Variants in RAD51B observed in about 807,000 individuals in gnomAD.
RAD51B encodes the protein RAD51 paralog B.
In RAD51B, 38 loss-of-function variants were observed where a neutral mutation model predicts 42.2. That is an observed-to-expected ratio of 0.90 (90% confidence interval 0.70 to 1.18). The LOEUF is 1.18. Ranked by LOEUF, RAD51B falls within the 50% of genes most tolerant of loss-of-function variation. RAD51B has a pLI of 0.00. For missense variants in RAD51B, 373 were observed against 400.7 expected, an observed-to-expected ratio of 0.93 and a Z score of 0.59; for synonymous variants, 154 against 145.2, an observed-to-expected ratio of 1.06 and a Z score of -0.43.
At chr14:68,263,047 C>T (rs972736472) in intron 7 of RAD51B, among the ~76,000 whole-genome samples, 1 of 152,082 alleles carries the variant, frequency 6.6e-6, no homozygotes, top group Non-Finnish European at 1.5e-5. Context: ...AAAAATAAAT[C>T]GTTTCCTCTC....
intron 7 of RAD51B, among the ~76,000 whole-genome samples, chr14:68,217,319 T>C (rs2079836528): frequency 6.6e-6 from 1 of 152,244 alleles, no homozygotes; most frequent in Non-Finnish European, 1.5e-5. Flanking sequence ...TGTTATCAGT[T>C]ATCTATAGAC....
intron 8 of RAD51B, among the ~76,000 whole-genome samples, chr14:68,314,897 C>A (rs12890124): frequency 0.54 from 82,184 of 152,060 alleles, 23,492 homozygotes; most frequent in South Asian, 0.65. Context: ...TTCTGTGAAA[C>A]GGCAGCTAGT....
chr14:68,022,304 G>A (rs1268168333), intron 7 of RAD51B, among the ~76,000 whole-genome samples: 2 of 152,082 alleles, frequency 1.3e-5, no homozygotes, highest in African/African-American at 2.4e-5. Flanking sequence ...TGGTATATAT[G>A]TACCACATTT....
chr14:68,499,599 A>C (rs1884780831), intron 10 of RAD51B, among the ~76,000 whole-genome samples: 1 of 152,192 alleles, frequency 6.6e-6, no homozygotes, highest in South Asian at 2.1e-4. Context: ...TTGCAGAGGT[A>C]ATTAAGGATG....
chr14:68,247,962 A>G (rs962569022), intron 7 of RAD51B, among the ~76,000 whole-genome samples: 10 of 152,298 alleles, frequency 6.6e-5, no homozygotes, highest in Non-Finnish European at 1.5e-4. Context: ...ATTGATCCTC[A>G]GGACAGTGTT....
intron 10 of RAD51B, among the ~76,000 whole-genome samples, chr14:68,588,873 G>A (rs890366104): frequency 6.6e-6 from 1 of 152,184 alleles, no homozygotes; most frequent in Non-Finnish European, 1.5e-5. Context: ...CAAGCCACGA[G>A]GGTCTGCAGG....
chr14:67,963,150 T>C (rs1288500849), intron 7 of RAD51B, among the ~76,000 whole-genome samples: 1 of 152,174 alleles, frequency 6.6e-6, no homozygotes, highest in Non-Finnish European at 1.5e-5. Context: ...TAACTGTGAA[T>C]ATAATCTCAT....
chr14:68,648,202 G>A (rs895204572), intron 10 of RAD51B, among the ~76,000 whole-genome samples: 1 of 141,912 alleles, frequency 7.0e-6, no homozygotes, highest in Non-Finnish European at 1.5e-5. Flanking sequence ...TGAGAAATTC[G>A]AACCCGCATG....
chr14:68,092,772 T>C, intron 7 of RAD51B, among the ~76,000 whole-genome samples: 1 of 152,194 alleles, frequency 6.6e-6, no homozygotes, highest in Non-Finnish European at 1.5e-5. Context: ...ATCCCTGTCT[T>C]GTGCCAGTTT....
At chr14:68,239,377 C>A (rs2080335068) in intron 7 of RAD51B, among the ~76,000 whole-genome samples, 1 of 152,198 alleles carries the variant, frequency 6.6e-6, no homozygotes, top group Non-Finnish European at 1.5e-5. Flanking sequence ...AGAACACTTA[C>A]AACCCTGCTT....
chr14:68,054,398 G>T (rs1259619705), intron 7 of RAD51B, among the ~76,000 whole-genome samples: 1 of 152,110 alleles, frequency 6.6e-6, no homozygotes, highest in East Asian at 1.9e-4. Flanking sequence ...ATTTGGGGAA[G>T]TAACACCACA....
intron 7 of RAD51B, among the ~76,000 whole-genome samples, chr14:68,288,046 C>G (rs2081446430): frequency 6.6e-6 from 1 of 152,190 alleles, no homozygotes; most frequent in African/African-American, 2.4e-5. Context: ...TACTGAGCAT[C>G]AGAAGACTCA....
intron 7 of RAD51B, among the ~76,000 whole-genome samples, chr14:68,157,336 T>C (rs543463766): frequency 1.2e-3 from 182 of 152,332 alleles, no homozygotes; most frequent in Non-Finnish European, 2.3e-3. Flanking sequence ...TTGCTTTGGA[T>C]TTAAACAGGT....
rs778136542 is a variant in RAD51B, at chr14:68,331,367, C to CAAAAAAAAAAAAAAAAAA, written c.853+39388_853+39405dup. On this transcript the variant is annotated intron_variant, in intron 8 of 10. Transcript: ENST00000471583. ...TGGGCTACAGAACGAGACTCTGTCT[C>CAAAAAAAAAAAAAAAAAA]AAAAAAAAAAAAAAAAAAGCAATGG... is the stretch of plus-strand genomic sequence containing the variant. 1.7e-3 allele frequency among the ~76,000 whole-genome samples: 56 copies of CAAAAAAAAAAAAAAAAAA among 32,922 alleles called. 7 individuals carry two copies. The highest frequency in any genetic ancestry group is 2.0e-3 in the Non-Finnish European group (26 of 13,170). The allele number at this position is 32,922 out of a possible 152,430, so 21.6% of individuals were successfully genotyped here. A position where few individuals can be genotyped will look rare whatever the true frequency, so the allele number is the denominator to read the frequency against.
At chr14:67,986,697 CAG>C (rs1434045657) in intron 7 of RAD51B, among the ~76,000 whole-genome samples, 1 of 152,292 alleles carries the variant, frequency 6.6e-6, no homozygotes, top group East Asian at 1.9e-4. Context: ...AGTTGTAAGA[CAG>C]TGACTCATCC....
intron 8 of RAD51B, among the ~76,000 whole-genome samples, chr14:68,365,273 G>A (rs1259169819): frequency 6.6e-6 from 1 of 152,184 alleles, no homozygotes; most frequent in Non-Finnish European, 1.5e-5. Flanking sequence ...TGTCTGATTC[G>A]GCTGTCCGGT....
chr14:68,363,768 T>C (rs916767998), intron 8 of RAD51B, among the ~76,000 whole-genome samples: 1 of 151,990 alleles, frequency 6.6e-6, no homozygotes. Flanking sequence ...CGTGTGTGGG[T>C]GCAGTGAAGG....
intron 7 of RAD51B, among the ~76,000 whole-genome samples, chr14:68,267,346 T>TG (rs1306311468): frequency 6.6e-6 from 1 of 152,132 alleles, no homozygotes; most frequent in Non-Finnish European, 1.5e-5. Context: ...CAAATACATA[T>TG]GGTATTATAT....
At chr14:67,996,931 T>G (rs2075395317) in intron 7 of RAD51B, among the ~76,000 whole-genome samples, 1 of 152,200 alleles carries the variant, frequency 6.6e-6, no homozygotes, top group Non-Finnish European at 1.5e-5. Context: ...AGCATGAGTT[T>G]CTAATAGATT....
Sources: allele counts gnomAD v4.1 joint callset (sites outside exome capture counted in the v4.1 genomes callset), GRCh38; gene constraint gnomAD v4.1.1; transcripts MANE v1.5; gene names NCBI Gene and HGNC (gene_info 2026-07-23, HGNC 2026-07-21).